The following PACSIN1 variants were observed in gnomAD, a reference collection of about 807,000 sequenced individuals.
The protein encoded by PACSIN1 is protein kinase C and casein kinase substrate in neurons protein 1.
A neutral mutation model predicts 59.5 loss-of-function variants in PACSIN1; 15 were observed. The ratio of observed to expected loss-of-function variants is 0.25; its 90% CI spans 0.17 to 0.39. The LOEUF (loss-of-function observed/expected upper bound fraction) is 0.39, where lower values mean the gene tolerates loss of function less well. Among genes scored for constraint, PACSIN1 ranks in the 10% least tolerant of loss-of-function variants. The pLI, the probability that PACSIN1 is intolerant of heterozygous loss-of-function variation, is 1.00. For missense variants in PACSIN1, 420 were observed against 580.2 expected (o/e 0.72, Z 2.84); for synonymous variants, 210 against 220.6 (o/e 0.95, Z 0.42).
rs555263802 is a variant in PACSIN1, at chr6:34,521,968, A to G, written c.-63-4275A>G. Among the ~76,000 whole-genome samples, 1 of 152,326 alleles carries G rather than the reference A, an allele frequency of 6.6e-6. No homozygotes were observed. Among genetic ancestry groups the G allele is most frequent in the South Asian group, 2.1e-4 (1 of 4,826 alleles). ...GATGTAATCCTACTCTGCGCTGCAC[A>G]GGCCCCAGGGTCAAGTCCTTACTCT... is the stretch of plus-strand genomic sequence containing the variant. On this transcript the variant is annotated intron_variant, in intron 1 of 9. Coordinates refer to ENST00000244458, the MANE Select transcript of PACSIN1 (RefSeq NM_020804.5). The surrounding 1 kb of genome is among the most constrained non-coding windows in gnomAD (Gnocchi z 4.3).
intron 1 of PACSIN1, among the ~76,000 whole-genome samples, chr6:34,496,042 CT>C (rs1042123011): frequency 6.6e-6 from 1 of 152,178 alleles, no homozygotes; most frequent in African/African-American, 2.4e-5. Context: ...AGCCAGCTGC[CT>C]GCTGCTCCCC....
intron 1 of PACSIN1, among the ~76,000 whole-genome samples, chr6:34,512,739 A>G (rs2127264712): frequency 6.6e-6 from 1 of 152,338 alleles, no homozygotes; most frequent in African/African-American, 2.4e-5. Context: ...CCTGCCTTTG[A>G]TCTAAGGATA....
intron 1 of PACSIN1, among the ~76,000 whole-genome samples, chr6:34,484,363 T>C (rs1346431699): frequency 6.6e-6 from 1 of 152,144 alleles, no homozygotes; most frequent in African/African-American, 2.4e-5. Flanking sequence ...GGCCTCACAC[T>C]GTATGATTCC....
chr6:34,509,620 G>A (rs1767168165), intron 1 of PACSIN1, among the ~76,000 whole-genome samples: 1 of 152,030 alleles, frequency 6.6e-6, no homozygotes, highest in South Asian at 2.1e-4. Context: ...GATTTTAAGA[G>A]GGATTACATT....
At position 34,530,324 on chromosome 6, in the gene PACSIN1, C is replaced by T. The variant is rs771210935; in HGVS notation, c.870C>T (p.Thr290=). The T allele has an allele frequency of 5.0e-6, 8 of 1,614,128 alleles. No individual in the cohort carries two copies. Among genetic ancestry groups the T allele is most frequent in the Admixed American group, 1.7e-5 (1 of 60,020 alleles). ...AAGACCTCAGATGGTTCCGCAGCAC[C>T]AGTGGCCCCGGCATGCCCATGAACT... ...AQEDLRWFRS[T]SGPGMPMNWP... The change falls in exon 7 of 10, where the codon ACC becomes ACT. Residue 290 remains threonine (T), a synonymous_variant. Transcript: ENST00000244458. This position sits in a 1 kb window ranked among gnomAD's most constrained non-coding sequence, Gnocchi z 4.4.
intron 1 of PACSIN1, among the ~76,000 whole-genome samples, chr6:34,471,945 C>T (rs766470736): frequency 6.6e-6 from 1 of 152,066 alleles, no homozygotes; most frequent in Non-Finnish European, 1.5e-5. Context: ...ACTTTAGGTG[C>T]TTGGGGACAC....
chr6:34,516,555 C>T lies in PACSIN1; in HGVS notation c.-63-9688C>T, dbSNP rs770735732. On this transcript the variant is annotated intron_variant, in intron 1 of 9. Coordinates refer to ENST00000244458, the MANE Select transcript of PACSIN1 (RefSeq NM_020804.5). The surrounding 1 kb of genome is among the most constrained non-coding windows in gnomAD (Gnocchi z 5.4). Reference sequence around the variant, plus strand: ...CTGGCCTCAGTTGCCCGTCAGCGGCCGCCCCCACCTCCACTGGAGCAGGGG... The same window carrying T: ...CTGGCCTCAGTTGCCCGTCAGCGGCTGCCCCCACCTCCACTGGAGCAGGGG... Among the ~76,000 whole-genome samples, 1 of 152,310 alleles carries T rather than the reference C, an allele frequency of 6.6e-6. No homozygotes were observed. Among genetic ancestry groups the T allele is most frequent in the South Asian group, 2.1e-4 (1 of 4,832 alleles).
At chr6:34,527,133 G>A (rs915464262) in intron 2 of PACSIN1, among the ~76,000 whole-genome samples, 199 bp from the exon 3 acceptor site, 2 of 150,216 alleles carry the variant, frequency 1.3e-5, no homozygotes, top group Non-Finnish European at 3.0e-5. Flanking sequence ...GAGGCAGGGT[G>A]CTGGAGCCTC....
chr6:34,519,150 T>C (rs1346837790), intron 1 of PACSIN1, among the ~76,000 whole-genome samples: 1 of 152,072 alleles, frequency 6.6e-6, no homozygotes, highest in African/African-American at 2.4e-5. Context: ...TGCCTGAGGC[T>C]GTGTCTGAGG....
intron 1 of PACSIN1, among the ~76,000 whole-genome samples, chr6:34,475,195 G>A (rs958186935): frequency 6.6e-6 from 1 of 152,166 alleles, no homozygotes; most frequent in African/African-American, 2.4e-5. Flanking sequence ...GGGTTTGGGT[G>A]GGGGCAGAGC....
Position 34,531,569 on chromosome 6 carries a change from A to G in PACSIN1, c.1038-31A>G. On this transcript the variant is annotated intron_variant, in intron 8 of 9. Coordinates refer to ENST00000244458, the MANE Select transcript of PACSIN1 (RefSeq NM_020804.5). The surrounding 1 kb of genome is among the most constrained non-coding windows in gnomAD (Gnocchi z 4.4). ...CCCTCGGGATGCGGTACGGGGAGAC[A>G]TTGAAGCTGGCTCCTTCCTCCGCGT... The G allele has an allele frequency of 6.2e-7, 1 of 1,610,266 alleles. No individual in the cohort carries two copies. The highest frequency in any genetic ancestry group is 8.5e-7 in the Non-Finnish European group (1 of 1,177,892).
intron 1 of PACSIN1, among the ~76,000 whole-genome samples, chr6:34,508,100 T>TTTG (rs1554169420): frequency 7.2e-6 from 1 of 138,086 alleles, no homozygotes; most frequent in African/African-American, 2.6e-5. Context: ...GGTAGTTCTT[T>TTTG]TTTTGTTTGT....
At chr6:34,474,179 A>G (rs569882447) in intron 1 of PACSIN1, among the ~76,000 whole-genome samples, 6 of 152,116 alleles carry the variant, frequency 3.9e-5, no homozygotes, top group African/African-American at 1.4e-4. Flanking sequence ...CTGTGGTGTT[A>G]TTTAGTATGT....
intron 1 of PACSIN1, among the ~76,000 whole-genome samples, chr6:34,482,061 T>G (rs1766726958): frequency 6.6e-6 from 1 of 152,162 alleles, no homozygotes; most frequent in African/African-American, 2.4e-5. Flanking sequence ...GTGACTGGCT[T>G]CTTTTTTTGT....
Position 34,497,018 on chromosome 6 carries a change from G to C in PACSIN1, c.-63-29225G>C, listed in dbSNP as rs539837251. ...GGCTGGAGTGCAATGGTGCAATCTC[G>C]GCTCACTGCATCCTCCACCTCCCGG... On this transcript the variant is annotated intron_variant, in intron 1 of 9. Transcript: ENST00000244458. Among the ~76,000 whole-genome samples, 5 of 132,792 alleles carry C rather than the reference G, an allele frequency of 3.8e-5. No homozygotes were observed. The South Asian group carries it at 1.2e-3, about 31-fold the overall frequency. 87.1% of individuals were successfully genotyped at this position (132,792 alleles called of 152,430 possible).
chr6:34,497,436 C>T (rs57018638), intron 1 of PACSIN1, among the ~76,000 whole-genome samples: 1,961 of 152,270 alleles, frequency 0.013, 37 homozygotes, highest in African/African-American at 0.044. Flanking sequence ...TGAGGAGGCA[C>T]CGTGGAAAGC....
rs143468549 is a variant in PACSIN1 at position 34,529,462 on chromosome 6, G to A, written c.522G>A (p.Glu174=). ...AGGAAAAGCTGGCCATGACACGGGA[G>A]ATGAACAGCAAGACGGAGCAATCGG... ...CKEEKLAMTR[E]MNSKTEQSVT... The change falls in exon 5 of 10, where the codon GAG becomes GAA. Residue 174 remains glutamate, a synonymous_variant. Transcript: ENST00000244458. This position sits in a 1 kb window ranked among gnomAD's most constrained non-coding sequence, Gnocchi z 6.3. The A allele has an allele frequency of 1.2e-6, 2 of 1,614,176 alleles. No homozygotes were observed. Among genetic ancestry groups the A allele is most frequent in the African/African-American group, 2.7e-5 (2 of 75,048 alleles).
intron 1 of PACSIN1, among the ~76,000 whole-genome samples, chr6:34,483,324 G>A (rs924677896): frequency 8.5e-5 from 13 of 152,270 alleles, no homozygotes; most frequent in Non-Finnish European, 1.9e-4. Context: ...TTGAATTCTA[G>A]AAGTCAACCT....
At chr6:34,501,682 A>T (rs1401309007) in intron 1 of PACSIN1, among the ~76,000 whole-genome samples, 1 of 152,202 alleles carries the variant, frequency 6.6e-6, no homozygotes, top group Non-Finnish European at 1.5e-5. Flanking sequence ...CTCAAGGTGT[A>T]GTCAATAGAA....
Sources: allele counts gnomAD v4.1 joint callset (sites outside exome capture counted in the v4.1 genomes callset), GRCh38; gene constraint gnomAD v4.1.1; non-coding constraint Gnocchi (gnomAD v3.1); transcripts MANE v1.5; gene names NCBI Gene and HGNC (gene_info 2026-07-23, HGNC 2026-07-21).